The following PCDHA8 variants were observed in gnomAD, a reference collection of about 807,000 sequenced individuals.
PCDHA8 encodes the protein protocadherin alpha 8.
A neutral mutation model predicts 61.8 loss-of-function variants in PCDHA8; 53 were observed. The observed-to-expected ratio is 0.86, with a 90% CI of 0.69 to 1.08. PCDHA8 has a LOEUF of 1.08. PCDHA8 is among the 50% of genes least tolerant of loss of function. The pLI is 0.00. For synonymous variants in PCDHA8, 618 were observed against 556.6 expected (o/e 1.11, Z -1.55); for missense variants, 1,293 against 1,245.0 (o/e 1.04, Z -0.58).
In PCDHA8 at chr5:140,993,461, CT is replaced by C. The variant is rs1554253717; in HGVS notation, c.2542+10899del. 2.8e-3 allele frequency among the ~76,000 whole-genome samples: 284 copies of C among 103,272 alleles called. 3 individuals are homozygous for C. Among genetic ancestry groups the C allele is most frequent in the African/African-American group, 0.011 (251 of 22,630 alleles). 67.8% of individuals were successfully genotyped at this position (103,272 alleles called of 152,430 possible). ...TCATTCCTGTTCTCCTTCTTTCTTTCTCACACACACACACACACACACACAC... is the reference window on the plus strand; with the variant it reads ...TCATTCCTGTTCTCCTTCTTTCTTTCCACACACACACACACACACACACAC... On this transcript the variant is annotated intron_variant, in intron 3 of 3. Coordinates refer to ENST00000531613, the MANE Select transcript of PCDHA8 (RefSeq NM_018911.3).
intron 1 of PCDHA8, chr5:140,882,864 C>T (rs2059340057): frequency 6.2e-7 from 1 of 1,614,200 alleles, no homozygotes; most frequent in East Asian, 2.2e-5. Flanking sequence ...CTGAGGAAAA[C>T]ACTGGACAGA....
rs200196783 is a variant in PCDHA8 at position 140,849,807 on chromosome 5, A to C, written c.2394+6092A>C. On this transcript the variant is annotated intron_variant, in intron 1 of 3. Transcript: ENST00000531613. The stretch of plus-strand genomic sequence containing the variant: ...CGGGGGCTCGCCTTCACTGTGGGCC[A>C]CGGCCAGGGTGTCTGTGGAGGTGGC... 5.4e-5 allele frequency: 86 copies of C among 1,598,400 alleles called. 9 individuals are homozygous for C. The highest frequency in any genetic ancestry group is 6.8e-5 in the Non-Finnish European group (80 of 1,167,954).
intron 1 of PCDHA8, chr5:140,859,970 T>C (rs894279399): frequency 6.6e-6 from 1 of 152,018 alleles, no homozygotes; most frequent in Non-Finnish European, 1.5e-5. Context: ...GTCTCAGGTA[T>C]ACAAGTGCAT....
intron 1 of PCDHA8, chr5:140,853,622 T>C: frequency 2.0e-6 from 2 of 988,456 alleles, no homozygotes; most frequent in Non-Finnish European, 2.4e-6. Context: ...TAAATAAGTA[T>C]ACAAGATCAC....
Position 140,843,218 on chromosome 5 carries a change from A to C in PCDHA8, c.1897A>C (p.Thr633Pro). Residue 633 changes from threonine (T) to proline (P), a missense_variant, in exon 1 of 4, where the codon ACC (threonine) becomes CCC (proline). Transcript: ENST00000531613. ...GGGGCTGTACACGGGCGAGATCAGCACCACTCGTGTCCTGGACGAAGCGGA... is the reference window on the plus strand; with the variant it reads ...GGGGCTGTACACGGGCGAGATCAGCCCCACTCGTGTCCTGGACGAAGCGGA... ...RVGLYTGEIS[T>P]TRVLDEADSP... 6.3e-7 allele frequency: 1 copy of C among 1,596,010 alleles called. No homozygotes were observed. The highest frequency in any genetic ancestry group is 8.6e-7 in the Non-Finnish European group (1 of 1,165,588).
chr5:140,928,084 C>T (rs782346696), intron 1 of PCDHA8: 2 of 1,614,232 alleles, frequency 1.2e-6, no homozygotes, highest in Non-Finnish European at 1.7e-6. Context: ...CTACAGCCTG[C>T]TGATTGATGG....
intron 1 of PCDHA8, chr5:140,869,751 C>G: frequency 1.2e-6 from 2 of 1,613,134 alleles, no homozygotes. Flanking sequence ...CAGCTACAGA[C>G]GGGGGAAAAC....
At chr5:140,967,435 C>T (rs949116832) in intron 1 of PCDHA8, 1 of 1,613,532 alleles carries the variant, frequency 6.2e-7, no homozygotes, top group Non-Finnish European at 8.5e-7. Flanking sequence ...CAGCCTTGCA[C>T]CACCTGGTTC....
At chr5:140,958,442 T>C (rs1554223476) in intron 1 of PCDHA8, among the ~76,000 whole-genome samples, 1 of 152,178 alleles carries the variant, frequency 6.6e-6, no homozygotes, top group Non-Finnish European at 1.5e-5. Flanking sequence ...AATTTAAAAA[T>C]ACCTTTTATT....
chr5:141,008,766 A>G (rs2098390228), intron 3 of PCDHA8, among the ~76,000 whole-genome samples: 1 of 152,246 alleles, frequency 6.6e-6, no homozygotes, highest in Non-Finnish European at 1.5e-5. Context: ...TTTGGCTTGG[A>G]AAGTAAAATT....
chr5:140,877,987 C>A (rs1290531354), intron 1 of PCDHA8: 13 of 1,151,196 alleles, frequency 1.1e-5, no homozygotes, highest in African/African-American at 3.1e-5. Context: ...TCATTTTGAA[C>A]TTTTATGTAT....
intron 1 of PCDHA8, among the ~76,000 whole-genome samples, chr5:140,948,865 C>A (rs1358865868): frequency 1.3e-5 from 2 of 151,324 alleles, no homozygotes; most frequent in Non-Finnish European, 3.0e-5. Context: ...TATATTACTT[C>A]GGGTTTACTT....
chr5:140,870,763 G>T (rs1386684596), intron 1 of PCDHA8: 1 of 1,613,434 alleles, frequency 6.2e-7, no homozygotes, highest in African/African-American at 1.3e-5. Context: ...GCAGGTGTTC[G>T]TGCTGGACGA....
chr5:140,882,856 G>A (rs1352769264), intron 1 of PCDHA8: 1 of 1,614,098 alleles, frequency 6.2e-7, no homozygotes, highest in African/African-American at 1.3e-5. Context: ...CACTTGTACT[G>A]AGGAAAACAC....
At chr5:141,000,376 T>C (rs2097906883) in intron 3 of PCDHA8, among the ~76,000 whole-genome samples, 1 of 58,410 alleles carries the variant, frequency 1.7e-5, no homozygotes, top group Non-Finnish European at 3.2e-5. Flanking sequence ...TCTCTCTCTC[T>C]CTCTCTCTCT....
chr5:140,850,365 G>A (rs2150481125), intron 1 of PCDHA8: 1 of 1,597,962 alleles, frequency 6.3e-7, no homozygotes, highest in South Asian at 1.1e-5. Context: ...CCCGTTCCGC[G>A]TGGGGCTGTA....
At chr5:140,856,020 G>T in intron 1 of PCDHA8, 4 of 1,553,378 alleles carry the variant, frequency 2.6e-6, no homozygotes, top group South Asian at 1.2e-5. Context: ...CCGCTGATTC[G>T]TCGATTTGTA....
intron 1 of PCDHA8, among the ~76,000 whole-genome samples, chr5:140,923,489 A>G (rs549066009): frequency 2.2e-4 from 34 of 152,300 alleles, no homozygotes; most frequent in African/African-American, 7.5e-4. Context: ...TCTTCACACC[A>G]CTGCACTCCA....
chr5:140,942,588 A>G lies in PCDHA8; in HGVS notation c.2395-36361A>G, dbSNP rs1416575390. Among the ~76,000 whole-genome samples the G allele has an allele frequency of 2.0e-5, 3 of 149,704 alleles. No homozygotes were observed. The East Asian group carries it at 5.9e-4, about 29-fold the overall frequency. ...AAAATCTTCCCATATAGGATGTCAC[A>G]TATAATTATAGTGTTTATATTTGCC... On this transcript the variant is annotated intron_variant, in intron 1 of 3. Transcript: ENST00000531613.
Sources: gnomAD v4.1 joint callset for allele counts (sites outside exome capture counted in the v4.1 genomes callset) on GRCh38, gnomAD v4.1.1 for gene constraint, MANE v1.5 for transcripts, NCBI Gene and HGNC (gene_info 2026-07-23, HGNC 2026-07-21) for gene names.